PARD3: variants seen among roughly 807,000 people sequenced by gnomAD.
The protein encoded by PARD3 is partitioning defective 3 homolog.
Under a neutral mutation model 155.4 loss-of-function variants are expected in PARD3, and 75 were observed. The ratio of observed to expected loss-of-function variants is 0.48; its 90% CI spans 0.40 to 0.58. The LOEUF (loss-of-function observed/expected upper bound fraction) is 0.58. Among genes scored for constraint, PARD3 ranks in the 20% least tolerant of loss-of-function variants. PARD3 has a pLI of 0.00. For synonymous variants in PARD3, 576 were observed against 610.5 expected (o/e 0.94, Z 0.83); for missense variants, 1,642 against 1,721.7 (o/e 0.95, Z 0.82).
intron 22 of PARD3, among the ~76,000 whole-genome samples, chr10:34,233,353 G>A (rs1190651761): frequency 6.6e-6 from 1 of 151,884 alleles, no homozygotes; most frequent in Non-Finnish European, 1.5e-5. Context: ...TGTCGCTTCT[G>A]TACTGATCTC....
At chr10:34,753,183 C>T (rs1836282995) in intron 1 of PARD3, among the ~76,000 whole-genome samples, 1 of 152,184 alleles carries the variant, frequency 6.6e-6, no homozygotes. Context: ...AGTCTCTCTT[C>T]TTCATACATG....
In PARD3 at chr10:34,472,199, G is replaced by A. The variant is rs187576640; in HGVS notation, c.404-1936C>T. 3.0e-3 allele frequency among the ~76,000 whole-genome samples: 463 copies of A among 152,212 alleles called. 2 individuals carry two copies. Among genetic ancestry groups the A allele is most frequent in the African/African-American group, 0.011 (436 of 41,512 alleles). On this transcript the variant is annotated intron_variant, in intron 3 of 24. Coordinates refer to ENST00000374788, the MANE Select transcript of PARD3 (RefSeq NM_001184785.2). ...AGTCAACTCCAAATTTAATACTTTG[G>A]TGGCTATCTTAATGTGCTGAGAGAA...
intron 3 of PARD3, among the ~76,000 whole-genome samples, chr10:34,510,781 T>A (rs2081357274): frequency 6.6e-6 from 1 of 152,062 alleles, no homozygotes; most frequent in African/African-American, 2.4e-5. Context: ...AGGTAACCCA[T>A]CCCCTAGCCT....
intron 14 of PARD3, 93 bp downstream of exon 14, chr10:34,359,054 A>G: frequency 2.5e-6 from 2 of 792,290 alleles, no homozygotes; most frequent in Non-Finnish European, 4.1e-6. Context: ...TTTTGATGTA[A>G]GGTCCTGGAA....
At chr10:34,343,892 T>C in intron 15 of PARD3, 1 of 983,318 alleles carries the variant, frequency 1.0e-6, no homozygotes, top group Non-Finnish European at 1.2e-6. Flanking sequence ...ACTAAACATT[T>C]ATTCATTGGC....
Position 34,325,454 on chromosome 10 carries a change from A to G in PARD3, c.2833+5663T>C, listed in dbSNP as rs1210562909. Among the ~76,000 whole-genome samples the G allele has an allele frequency of 3.3e-5, 5 of 151,450 alleles. No individual in the cohort carries two copies. In the East Asian group the frequency reaches 9.8e-4, roughly 30 times the overall value. On this transcript the variant is annotated intron_variant, in intron 19 of 24. Coordinates refer to ENST00000374788, the MANE Select transcript of PARD3 (RefSeq NM_001184785.2). ...AGCAGTAACACTCAACTCGGCCAAT[A>G]CCTCTCTTCTGGAAATCTCCTCCTC... is the stretch of plus-strand genomic sequence containing the variant.
At chr10:34,360,854 G>A (rs943059015) in intron 12 of PARD3, among the ~76,000 whole-genome samples, 4 of 152,104 alleles carry the variant, frequency 2.6e-5, no homozygotes, top group African/African-American at 4.8e-5. Context: ...CAATATTGTA[G>A]CATACATAAT....
At chr10:34,418,629 A>T (rs1845896189) in intron 5 of PARD3, among the ~76,000 whole-genome samples, 1 of 152,208 alleles carries the variant, frequency 6.6e-6, no homozygotes, top group Non-Finnish European at 1.5e-5. Context: ...AATTACCTAA[A>T]TCTGTTTCAG....
intron 2 of PARD3, among the ~76,000 whole-genome samples, chr10:34,615,825 G>C (rs79025713): frequency 6.6e-6 from 1 of 152,110 alleles, no homozygotes; most frequent in Non-Finnish European, 1.5e-5. Flanking sequence ...AAATGGCCAA[G>C]AAACATATGA....
chr10:34,778,425 GCAT>G (rs1839859826), intron 1 of PARD3, among the ~76,000 whole-genome samples: 1 of 152,194 alleles, frequency 6.6e-6, no homozygotes, highest in African/African-American at 2.4e-5. Flanking sequence ...TAAGAACTGA[GCAT>G]CATGAATGAA....
chr10:34,344,677 A>G (rs1186291172), intron 15 of PARD3: 1 of 985,260 alleles, frequency 1.0e-6, no homozygotes, highest in African/African-American at 1.7e-5. Context: ...AGGCAGCCCC[A>G]CTACAGGTTA....
chr10:34,160,475 G>A (rs1949220725), intron 22 of PARD3, among the ~76,000 whole-genome samples: 1 of 152,182 alleles, frequency 6.6e-6, no homozygotes, highest in South Asian at 2.1e-4. Context: ...CAACACTGCT[G>A]TTGATTACAT....
intron 2 of PARD3, among the ~76,000 whole-genome samples, chr10:34,554,600 G>T (rs2084846251): frequency 6.6e-6 from 1 of 152,062 alleles, no homozygotes; most frequent in Admixed American, 6.6e-5. Flanking sequence ...AAACTCTATG[G>T]AAAATAAATC....
intron 22 of PARD3, among the ~76,000 whole-genome samples, chr10:34,223,627 C>G (rs1952432579): frequency 6.6e-6 from 1 of 152,140 alleles, no homozygotes; most frequent in Non-Finnish European, 1.5e-5. Context: ...TCAAGAGATA[C>G]CATATGAGCT....
At chr10:34,389,722 T>TG (rs1214786817) in intron 7 of PARD3, among the ~76,000 whole-genome samples, 2 of 151,816 alleles carry the variant, frequency 1.3e-5, no homozygotes, top group African/African-American at 4.9e-5. Context: ...GTACAGCCCA[T>TG]GGGGGGCCAG....
At chr10:34,793,204 A>T (rs1298336269) in intron 1 of PARD3, among the ~76,000 whole-genome samples, 2 of 152,178 alleles carry the variant, frequency 1.3e-5, no homozygotes, top group Non-Finnish European at 2.9e-5. Flanking sequence ...AGTGCAGATG[A>T]AAAAATGGGA....
intron 20 of PARD3, among the ~76,000 whole-genome samples, chr10:34,301,529 CTCCT>C (rs1056807752): frequency 3.3e-5 from 5 of 152,106 alleles, no homozygotes; most frequent in African/African-American, 1.2e-4. Context: ...CCTTCTATTA[CTCCT>C]TCCCTCTATA....
intron 2 of PARD3, among the ~76,000 whole-genome samples, chr10:34,650,992 C>T (rs927190264): frequency 1.0e-5 from 1 of 95,332 alleles, no homozygotes; most frequent in Non-Finnish European, 2.0e-5. Context: ...GACTGGGCAA[C>T]AAGAACGAAA....
At chr10:34,365,361 T>C (rs1252611757) in intron 12 of PARD3, among the ~76,000 whole-genome samples, 1 of 152,184 alleles carries the variant, frequency 6.6e-6, no homozygotes, top group Non-Finnish European at 1.5e-5. Flanking sequence ...ACTAAGAAAT[T>C]GAGTTTTACC....
Sources: gnomAD v4.1 joint callset for allele counts (sites outside exome capture counted in the v4.1 genomes callset) on GRCh38, gnomAD v4.1.1 for gene constraint, MANE v1.5 for transcripts, NCBI Gene and HGNC (gene_info 2026-07-23, HGNC 2026-07-21) for gene names.